Variants in FGFRL1 observed in about 807,000 individuals in gnomAD.
FGFRL1 encodes fibroblast growth factor receptor like 1, also known as fibroblast growth factor receptor-like 1.
Under a neutral mutation model 36.8 loss-of-function variants are expected in FGFRL1, and 24 were observed. That is an observed-to-expected ratio of 0.65 (90% CI 0.47 to 0.92). FGFRL1 has a LOEUF of 0.92. Among genes scored for constraint, FGFRL1 ranks in the 40% least tolerant of loss-of-function variants. FGFRL1 has a pLI of 0.00. For synonymous variants in FGFRL1, 422 were observed against 344.1 expected (o/e 1.23, Z -2.50); for missense variants, 785 against 753.4 (o/e 1.04, Z -0.49).
chr4:1,023,621 G>T lies in FGFRL1; in HGVS notation c.353-20G>T. 6.3e-7 allele frequency: 1 copy of T among 1,585,246 alleles called. No individual in the cohort carries two copies. ...GGCCCCCCTCACCTGCCCTCCCTGTGCACCTCCGTCTCTCTGCAGATGACA... is the reference window on the plus strand; with the variant it reads ...GGCCCCCCTCACCTGCCCTCCCTGTTCACCTCCGTCTCTCTGCAGATGACA... On this transcript the variant is annotated intron_variant, in intron 3 of 6. Coordinates refer to ENST00000510644, the MANE Select transcript of FGFRL1 (RefSeq NM_001004356.3). This position sits in a 1 kb window ranked among gnomAD's most constrained non-coding sequence, Gnocchi z 6.0.
intron 2 of FGFRL1, among the ~76,000 whole-genome samples, chr4:1,013,009 G>T (rs946401417): frequency 6.6e-6 from 1 of 152,204 alleles, no homozygotes; most frequent in Non-Finnish European, 1.5e-5. Context: ...AATATACTTG[G>T]TGTCTGGGAC....
At position 1,022,337 on chromosome 4, in the gene FGFRL1, A is replaced by G. The variant is rs1716233156; in HGVS notation, c.214A>G (p.Ser72Gly). 6.2e-7 allele frequency: 1 copy of G among 1,603,488 alleles called. No homozygotes were observed. The highest frequency in any genetic ancestry group is 8.5e-7 in the Non-Finnish European group (1 of 1,176,232). The change falls in exon 3 of 7, where the codon AGC (serine) becomes GGC (glycine). Residue 72 changes from serine (S) to glycine (G), a missense_variant. Physicochemically the swap from Ser to Gly is moderately conservative, Grantham distance 56 (BLOSUM62 0). Transcript: ENST00000510644. ...GACCAAGGATGGCCGCACCATCCAC[A>G]GCGGCTGGAGCCGCTTCCGCGTGCT... ...MWTKDGRTIHSGWSRFRVLPQ... is the reference protein window; with the variant it reads ...MWTKDGRTIHGGWSRFRVLPQ...
chr4:1,017,785 C>G lies in FGFRL1; in HGVS notation c.80-4418C>G, dbSNP rs144617734. On this transcript the variant is annotated intron_variant, in intron 2 of 6. Transcript: ENST00000510644. ...CTGGGGAAGCACCCCCTCCTTGCTC[C>G]CTGTAGGAGCCAGGCCCCATGGGGA... Among the ~76,000 whole-genome samples, 5 of 152,300 alleles carry G rather than the reference C, an allele frequency of 3.3e-5. No homozygotes were observed. The East Asian group carries it at 9.6e-4, about 29-fold the overall frequency.
intron 2 of FGFRL1, among the ~76,000 whole-genome samples, chr4:1,017,258 A>T (rs1020312579): frequency 6.7e-6 from 1 of 150,230 alleles, no homozygotes; most frequent in African/African-American, 2.4e-5. Flanking sequence ...GTTCGCAGGC[A>T]TCCTCACTCC....
At chr4:1,017,252 G>A (rs150864932) in intron 2 of FGFRL1, among the ~76,000 whole-genome samples, 8 of 151,226 alleles carry the variant, frequency 5.3e-5, no homozygotes, top group African/African-American at 1.2e-4. Flanking sequence ...CCCCCAGTTC[G>A]CAGGCATCCT....
intron 2 of FGFRL1, among the ~76,000 whole-genome samples, chr4:1,017,637 G>A (rs1715959799): frequency 6.6e-6 from 1 of 152,208 alleles, no homozygotes; most frequent in South Asian, 2.1e-4. Flanking sequence ...GCACTGGAAA[G>A]TTGGAGGAGG....
intron 6 of FGFRL1, 98 bp downstream of exon 6, chr4:1,024,762 C>A: frequency 1.4e-6 from 2 of 1,414,090 alleles, no homozygotes; most frequent in Middle Eastern, 4.2e-4. Context: ...CCCTTCCCTC[C>A]CGGGCCGTGC....
chr4:1,016,854 C>G (rs1040559075), intron 2 of FGFRL1, among the ~76,000 whole-genome samples: 1 of 152,158 alleles, frequency 6.6e-6, no homozygotes, highest in Non-Finnish European at 1.5e-5. Context: ...GGCGGCCACT[C>G]TTGCACTTGG....
intron 2 of FGFRL1, among the ~76,000 whole-genome samples, chr4:1,014,272 CT>C (rs112944118): frequency 9.2e-4 from 136 of 147,450 alleles, no homozygotes; most frequent in Middle Eastern, 3.6e-3. Flanking sequence ...TCTTAAACTG[CT>C]TTTTTTTTTT....
chr4:1,024,433 C>T lies in FGFRL1; in HGVS notation c.841C>T (p.Leu281=). ...CGACGTGAAGCCGGTGATCCAGTGGCTGAAGCGCGTGGAGTACGGCGCCGA... is the reference window on the plus strand; with the variant it reads ...CGACGTGAAGCCGGTGATCCAGTGGTTGAAGCGCGTGGAGTACGGCGCCGA... ...RSDVKPVIQW[L]KRVEYGAEGR... is the part of the protein sequence containing the mutation. The change falls in exon 6 of 7, where the codon CTG becomes TTG. Residue 281 remains leucine (L), a synonymous_variant. Coordinates refer to ENST00000510644, the MANE Select transcript of FGFRL1 (RefSeq NM_001004356.3). 1 of 1,612,592 alleles carries T rather than the reference C, an allele frequency of 6.2e-7. No homozygotes were observed. The highest frequency in any genetic ancestry group is 1.1e-5 in the South Asian group (1 of 91,082).
intron 2 of FGFRL1, among the ~76,000 whole-genome samples, 196 bp downstream of exon 2, chr4:1,012,760 C>T (rs953530621): frequency 1.3e-5 from 2 of 152,262 alleles, no homozygotes; most frequent in Non-Finnish European, 2.9e-5. Context: ...GCTCCCCTAG[C>T]TGGCTGGAGG....
chr4:1,015,349 C>T (rs1262315055), intron 2 of FGFRL1, among the ~76,000 whole-genome samples: 1 of 152,234 alleles, frequency 6.6e-6, no homozygotes. Flanking sequence ...GCCTGCCACT[C>T]TCCCTGGCGG....
chr4:1,025,205 A>G lies in FGFRL1; in HGVS notation c.1373A>G (p.His458Arg), dbSNP rs567468058. 8.1e-6 allele frequency: 13 copies of G among 1,610,618 alleles called. No individual in the cohort carries two copies. The African/African-American group carries it at 1.2e-4, about 15-fold the overall frequency. ...EEHGSPAAPQ[H>R]LLGPGPVAGP... Reference sequence around the variant, plus strand: ...CATGGGTCTCCGGCAGCCCCCCAGCACTTACTGGGCCCAGGCCCAGTTGCT... The same window carrying G: ...CATGGGTCTCCGGCAGCCCCCCAGCGCTTACTGGGCCCAGGCCCAGTTGCT... The change falls in exon 7 of 7, where the codon CAC (histidine) becomes CGC (arginine). Residue 458 changes from histidine (H) to arginine (R), a missense_variant. Coordinates refer to ENST00000510644, the MANE Select transcript of FGFRL1 (RefSeq NM_001004356.3).
intron 1 of FGFRL1, 154 bp from the exon 2 acceptor site, chr4:1,012,316 C>G: frequency 1.4e-6 from 1 of 734,570 alleles, no homozygotes; most frequent in Non-Finnish European, 2.1e-6. Flanking sequence ...TTGATACCCA[C>G]AGCTTCTCCC....
chr4:1,024,037 A>G lies in FGFRL1; in HGVS notation c.654A>G (p.Lys218=). The change falls in exon 5 of 7, where the codon AAA becomes AAG. Residue 218 remains lysine, a synonymous_variant. Transcript: ENST00000510644. The stretch of plus-strand genomic sequence containing the variant: ...ACCTGCGGCCGGAGGACAGCGGCAA[A>G]TACACCTGCCGCGTGTCGAACCGCG... ...LKNLRPEDSG[K]YTCRVSNRAG... 1 of 1,607,398 alleles carries G rather than the reference A, an allele frequency of 6.2e-7. No individual in the cohort carries two copies. The highest frequency in any genetic ancestry group is 8.5e-7 in the Non-Finnish European group (1 of 1,178,724).
chr4:1,013,366 G>A (rs1318687298), intron 2 of FGFRL1, among the ~76,000 whole-genome samples: 2 of 152,372 alleles, frequency 1.3e-5, no homozygotes, highest in Admixed American at 6.5e-5. Context: ...GGCCCTTTGG[G>A]CGTGTTGACC....
In FGFRL1 at chr4:1,023,671, G is replaced by A; in HGVS notation, c.383G>A (p.Gly128Glu). 6.2e-7 allele frequency: 1 copy of A among 1,604,830 alleles called. No homozygotes were observed. The highest frequency in any genetic ancestry group is 8.5e-7 in the Non-Finnish European group (1 of 1,177,708). The change falls in exon 4 of 7, where the codon GGG (glycine) becomes GAG (glutamate). Residue 128 changes from glycine to glutamate, a missense_variant. Gly to Glu is a moderately conservative substitution (Grantham distance 98). Transcript: ENST00000510644. The surrounding 1 kb of genome is among the most constrained non-coding windows in gnomAD (Gnocchi z 6.0). Reference protein sequence around the residue: ...DDISPGKESLGPDSSSGGQED... With the variant: ...DDISPGKESLEPDSSSGGQED... ...ATTAGCCCAGGGAAGGAGAGCCTGG[G>A]GCCCGACAGCTCCTCTGGGGGTCAA...
At chr4:1,012,785 G>C (rs916477771) in intron 2 of FGFRL1, among the ~76,000 whole-genome samples, 3 of 152,228 alleles carry the variant, frequency 2.0e-5, no homozygotes, top group Non-Finnish European at 4.4e-5. Context: ...CCCCTCATGC[G>C]TGCTTGCTGG....
At position 1,011,728 on chromosome 4, in the gene FGFRL1, A is replaced by C; in HGVS notation, c.-243A>C. On this transcript the variant is annotated 5_prime_UTR_variant, in exon 1 of 7. Coordinates refer to ENST00000510644, the MANE Select transcript of FGFRL1 (RefSeq NM_001004356.3). ...CCGGCCCCGGCCCCCGGCCCCGCGG[A>C]CTCGCCCCCGCCGCCTGCCCGGTCC... 1.7e-5 allele frequency: 2 copies of C among 118,868 alleles called. No homozygotes were observed. Among genetic ancestry groups the C allele is most frequent in the East Asian group, 3.2e-4 (1 of 3,154 alleles). 7.4% of individuals were successfully genotyped at this position (118,868 alleles called of 1,614,324 possible).
Sources: gnomAD v4.1 joint callset for allele counts (sites outside exome capture counted in the v4.1 genomes callset) on GRCh38, gnomAD v4.1.1 for gene constraint, Gnocchi (gnomAD v3.1) non-coding constraint, MANE v1.5 for transcripts, NCBI Gene and HGNC (gene_info 2026-07-23, HGNC 2026-07-21) for gene names.